Variants in ARHGAP32 observed in about 807,000 individuals in gnomAD.
The protein encoded by ARHGAP32 is rho GTPase-activating protein 32.
ARHGAP32 carries 51 observed loss-of-function variants against 186.5 expected under a neutral mutation model. The ratio of observed to expected loss-of-function variants is 0.27; its 90% CI spans 0.22 to 0.35. ARHGAP32 has a LOEUF of 0.35. Among genes scored for constraint, ARHGAP32 ranks in the 10% least tolerant of loss-of-function variants. ARHGAP32 has a pLI of 1.00. For missense variants in ARHGAP32, 2,186 were observed against 2,623.5 expected, an observed-to-expected ratio of 0.83 and a Z score of 3.64; for synonymous variants, 950 against 964.3, an observed-to-expected ratio of 0.99 and a Z score of 0.27.
intron 6 of ARHGAP32, among the ~76,000 whole-genome samples, chr11:129,085,462 A>G (rs1455339451): frequency 2.0e-5 from 3 of 152,228 alleles, no homozygotes; most frequent in Non-Finnish European, 4.4e-5. Context: ...AAGATGTCAA[A>G]GACCTAAATA....
rs535131045 is a variant in ARHGAP32, at chr11:129,141,461, G to A, written c.226-16567C>T. Reference sequence around the variant, plus strand: ...CACAAGGCAGGGAACATCAGACACCGGGGCCTGTCATGGGGTAGGGGGATG... The same window carrying A: ...CACAAGGCAGGGAACATCAGACACCAGGGCCTGTCATGGGGTAGGGGGATG... On this transcript the variant is annotated intron_variant, in intron 2 of 22. Transcript: ENST00000682385. 3.3e-5 allele frequency among the ~76,000 whole-genome samples: 5 copies of A among 152,104 alleles called. No individual in the cohort carries two copies. In the South Asian group the frequency reaches 8.3e-4, roughly 25 times the overall value.
intron 10 of ARHGAP32, among the ~76,000 whole-genome samples, chr11:129,045,240 G>A (rs926574854): frequency 6.6e-6 from 1 of 152,140 alleles, no homozygotes; most frequent in East Asian, 1.9e-4. Flanking sequence ...CCTCCTCTGT[G>A]CCGTGAGCAC....
At chr11:129,221,973 G>T (rs1944718587) in intron 1 of ARHGAP32, among the ~76,000 whole-genome samples, 1 of 151,894 alleles carries the variant, frequency 6.6e-6, no homozygotes, top group Non-Finnish European at 1.5e-5. Context: ...CTTTACTCAG[G>T]GACATTGTGA....
intron 11 of ARHGAP32, among the ~76,000 whole-genome samples, chr11:129,029,768 C>T (rs1438021972): frequency 3.2e-5 from 4 of 126,836 alleles, no homozygotes; most frequent in African/African-American, 1.2e-4. Context: ...CACCACTGCA[C>T]TGCAGCCTGG....
At chr11:129,234,565 T>C (rs1184385078) in intron 1 of ARHGAP32, among the ~76,000 whole-genome samples, 3 of 152,178 alleles carry the variant, frequency 2.0e-5, no homozygotes, top group South Asian at 2.1e-4. Context: ...ATATAATCTA[T>C]ATATCTGCAA....
Position 128,977,580 on chromosome 11 carries a change from T to A in ARHGAP32, c.2123-946A>T, listed in dbSNP as rs140866124. Among the ~76,000 whole-genome samples the A allele has an allele frequency of 1.4e-3, 206 of 152,174 alleles. 3 individuals are homozygous for A. Among genetic ancestry groups the A allele is most frequent in the African/African-American group, 4.7e-3 (195 of 41,536 alleles). ...CCTGTCAGTTAGGTGAATCCCTACT[T>A]CTCCTTGAAAACCCATATCAAAGGT... On this transcript the variant is annotated intron_variant, in intron 19 of 22. Coordinates refer to ENST00000682385, the MANE Select transcript of ARHGAP32 (RefSeq NM_001378024.1).
chr11:129,162,153 G>T (rs535027920), intron 2 of ARHGAP32, among the ~76,000 whole-genome samples: 1 of 152,236 alleles, frequency 6.6e-6, no homozygotes, highest in South Asian at 2.1e-4. Context: ...TCAGGGGGTG[G>T]GGGCTAGGGG....
At chr11:129,129,386 C>T (rs538127362) in intron 2 of ARHGAP32, among the ~76,000 whole-genome samples, 101 of 151,902 alleles carry the variant, frequency 6.6e-4, no homozygotes, top group African/African-American at 2.3e-3. Context: ...AGCCCCTCCG[C>T]CCGGCAGCCG....
At chr11:129,168,149 G>T (rs919633555) in intron 1 of ARHGAP32, among the ~76,000 whole-genome samples, 1 of 152,140 alleles carries the variant, frequency 6.6e-6, no homozygotes, top group African/African-American at 2.4e-5. Flanking sequence ...CACAGGCTGA[G>T]GTGAGAAGAT....
At chr11:129,046,369 T>TTTTTTTTTTTTTTTTTTTTTG (rs1422032046) in intron 10 of ARHGAP32, among the ~76,000 whole-genome samples, 6 of 152,106 alleles carry the variant, frequency 3.9e-5, no homozygotes, top group African/African-American at 1.5e-4. Flanking sequence ...TGGCTGTTTT[T>TTTTTTTTTTTTTTTTTTTTTG]AACAACTGTC....
upstream of ARHGAP32, among the ~76,000 whole-genome samples, chr11:129,195,210 T>A (rs1944376922): frequency 6.6e-6 from 1 of 151,458 alleles, no homozygotes; most frequent in African/African-American, 2.4e-5. Context: ...GAACTCCTGA[T>A]CTCAAGTGAT....
At chr11:128,987,119 A>G (rs1348201915) in intron 13 of ARHGAP32, among the ~76,000 whole-genome samples, 2 of 152,248 alleles carry the variant, frequency 1.3e-5, no homozygotes, top group Non-Finnish European at 2.9e-5. Flanking sequence ...GCAGGATAAA[A>G]AAGTCAGAAA....
intron 11 of ARHGAP32, chr11:129,024,101 C>T (rs957015521): frequency 9.1e-6 from 9 of 985,528 alleles, no homozygotes; most frequent in Non-Finnish European, 9.6e-6. Flanking sequence ...GCCCTGTTTT[C>T]AGTCCAGTCA....
chr11:129,041,131 A>T (rs2031547859), intron 10 of ARHGAP32, 122 bp from the exon 11 acceptor site: 1 of 557,756 alleles, frequency 1.8e-6, no homozygotes, highest in Admixed American at 3.2e-5. Flanking sequence ...TTATTCCAAG[A>T]CTCTAAATAA....
chr11:129,186,596 A>C (rs1454537163), intron 1 of ARHGAP32, among the ~76,000 whole-genome samples: 1 of 152,232 alleles, frequency 6.6e-6, no homozygotes, highest in Non-Finnish European at 1.5e-5. Flanking sequence ...GACAACCCAC[A>C]GCAAGGGAGA....
At chr11:129,129,446 G>A (rs1271527306) in intron 2 of ARHGAP32, among the ~76,000 whole-genome samples, 2 of 149,318 alleles carry the variant, frequency 1.3e-5, no homozygotes, top group Non-Finnish European at 3.0e-5. Flanking sequence ...CCACTGCCCC[G>A]TCTGGGAGGT....
At chr11:129,160,017 T>C (rs866130309) in intron 2 of ARHGAP32, among the ~76,000 whole-genome samples, 5 of 152,268 alleles carry the variant, frequency 3.3e-5, no homozygotes, top group Middle Eastern at 6.8e-3. Flanking sequence ...ATTATCTCAA[T>C]AGATGCAGAA....
chr11:129,170,768 T>G (rs969865082), intron 1 of ARHGAP32, among the ~76,000 whole-genome samples: 4 of 152,246 alleles, frequency 2.6e-5, no homozygotes, highest in Admixed American at 2.6e-4. Flanking sequence ...AGGGTTGAAC[T>G]AATTTACATT....
chr11:129,140,718 C>T (rs1943033211), intron 2 of ARHGAP32, among the ~76,000 whole-genome samples: 1 of 152,134 alleles, frequency 6.6e-6, no homozygotes, highest in South Asian at 2.1e-4. Flanking sequence ...GCAAATTCTG[C>T]AGGTGAGATA....
Sources: gnomAD v4.1 joint callset for allele counts (sites outside exome capture counted in the v4.1 genomes callset) on GRCh38, gnomAD v4.1.1 for gene constraint, MANE v1.5 for transcripts, NCBI Gene and HGNC (gene_info 2026-07-23, HGNC 2026-07-21) for gene names.